The following ZNF106 variants were observed in gnomAD, a reference collection of about 807,000 sequenced individuals.
ZNF106 encodes the protein zinc finger protein 106.
A neutral mutation model predicts 195.1 loss-of-function variants in ZNF106; 67 were observed. That is an observed-to-expected ratio of 0.34 (90% CI 0.28 to 0.42). ZNF106 has a LOEUF of 0.42. Among genes scored for constraint, ZNF106 ranks in the 10% least tolerant of loss-of-function variants. The probability of loss-of-function intolerance (pLI) is 1.00; values close to 1 mark genes in which losing one functional copy is unlikely to be tolerated. For missense variants in ZNF106, 2,118 were observed against 2,304.5 expected, an observed-to-expected ratio of 0.92 and a Z score of 1.66; for synonymous variants, 784 against 818.6, an observed-to-expected ratio of 0.96 and a Z score of 0.72.
intron 7 of ZNF106, among the ~76,000 whole-genome samples, chr15:42,445,532 T>C (rs1371715398): frequency 6.6e-6 from 1 of 152,208 alleles, no homozygotes; most frequent in Non-Finnish European, 1.5e-5. Context: ...TGTTTGTCTG[T>C]TTCCTATTCA....
Position 42,444,862 on chromosome 15 carries a change from C to A in ZNF106, c.3325G>T (p.Val1109Leu). Residue 1109 changes from valine to leucine, a missense_variant, in exon 8 of 22, where the codon GTG (valine) becomes TTG (leucine). By Grantham distance (32) the Val-to-Leu change is conservative (BLOSUM62 1). Transcript: ENST00000564754. Reference sequence around the variant, plus strand: ...AGCATAAGTAGCCTCTGAACTTCCACATAAGCTGTCTGAAGGGCTGCACGG... The same window carrying A: ...AGCATAAGTAGCCTCTGAACTTCCAAATAAGCTGTCTGAAGGGCTGCACGG... ...QARAALQTAY[V>L]EVQRLLMLKQ... 6.2e-7 allele frequency: 1 copy of A among 1,614,164 alleles called. No homozygotes were observed. The highest frequency in any genetic ancestry group is 2.2e-5 in the East Asian group (1 of 44,880).
intron 3 of ZNF106, among the ~76,000 whole-genome samples, chr15:42,459,460 A>G: frequency 6.6e-6 from 1 of 152,166 alleles, no homozygotes; most frequent in Non-Finnish European, 1.5e-5. Flanking sequence ...TGGGCAACAG[A>G]GTGAGACTCC....
Position 42,451,025 on chromosome 15 carries a change from T to G in ZNF106, c.1247A>C (p.Gln416Pro). 6.2e-7 allele frequency: 1 copy of G among 1,614,222 alleles called. No homozygotes were observed. The highest frequency in any genetic ancestry group is 8.5e-7 in the Non-Finnish European group (1 of 1,180,028). ...TGGGGAATTACGTGTTTCATCAGTT[T>G]GGGGCTCCTGTATTCCTGTAGTTAT... is the stretch of plus-strand genomic sequence containing the variant. ...SLITTGIQEP[Q>P]TDETRNSPTQ... Residue 416 changes from glutamine (Q) to proline (P), a missense_variant, in exon 5 of 22, where the codon CAA becomes CCA. By Grantham distance (76) the Gln-to-Pro change is moderately conservative (BLOSUM62 -1). Coordinates refer to ENST00000564754, the MANE Select transcript of ZNF106 (RefSeq NM_001366845.3).
chr15:42,425,338 T>C, intron 15 of ZNF106: 1 of 285,462 alleles, frequency 3.5e-6, no homozygotes, highest in Non-Finnish European at 6.6e-6. Context: ...AAGTTAATAA[T>C]AATGAAGGGT....
At chr15:42,423,843 A>G (rs187343829) in intron 17 of ZNF106, among the ~76,000 whole-genome samples, 155 bp downstream of exon 17, 1 of 152,404 alleles carries the variant, frequency 6.6e-6, no homozygotes, top group African/African-American at 2.4e-5. Context: ...TTTCTAAATT[A>G]CACAATATTA....
intron 1 of ZNF106, among the ~76,000 whole-genome samples, chr15:42,488,274 ACC>A (rs938297165): frequency 5.3e-5 from 8 of 152,094 alleles, no homozygotes; most frequent in African/African-American, 1.7e-4. Context: ...CAAAATGCAC[ACC>A]CTCTTTTGCA....
chr15:42,487,734 C>T (rs907411541), intron 1 of ZNF106, among the ~76,000 whole-genome samples: 2 of 152,068 alleles, frequency 1.3e-5, no homozygotes, highest in Admixed American at 1.3e-4. Flanking sequence ...CATCCGTCTC[C>T]ATAACTACTT....
chr15:42,437,900 C>CT (rs1465302278), intron 12 of ZNF106, among the ~76,000 whole-genome samples: 2 of 131,834 alleles, frequency 1.5e-5, no homozygotes, highest in African/African-American at 6.0e-5. Flanking sequence ...ACGACTCCGT[C>CT]TCAAAAAAAA....
At chr15:42,435,311 T>C in intron 14 of ZNF106, 73 bp downstream of exon 14, 1 of 1,589,040 alleles carries the variant, frequency 6.3e-7, no homozygotes, top group South Asian at 1.1e-5. Context: ...TCTGCCACAG[T>C]GTCTCCACTC....
chr15:42,440,353 T>C (rs2055452330), intron 10 of ZNF106, among the ~76,000 whole-genome samples: 1 of 152,176 alleles, frequency 6.6e-6, no homozygotes, highest in Admixed American at 6.5e-5. Context: ...ACACAGAATA[T>C]GAAAAAAGTT....
At chr15:42,448,750 G>A in intron 5 of ZNF106, 45 bp from the exon 6 acceptor site, 2 of 1,532,328 alleles carry the variant, frequency 1.3e-6, no homozygotes, top group South Asian at 1.3e-5. Flanking sequence ...GGATATGGTT[G>A]TTGGGAGGGG....
chr15:42,452,288 C>T (rs1044749169), intron 4 of ZNF106, among the ~76,000 whole-genome samples: 1 of 151,892 alleles, frequency 6.6e-6, no homozygotes, highest in Admixed American at 6.6e-5. Context: ...TTTGGGAGGC[C>T]GAGGCGGGCA....
chr15:42,429,585 G>C (rs145935559), intron 14 of ZNF106, among the ~76,000 whole-genome samples: 12 of 152,050 alleles, frequency 7.9e-5, no homozygotes, highest in Admixed American at 2.6e-4. Context: ...CATTGGTCTC[G>C]TCTCCCAACC....
In ZNF106 at chr15:42,450,917, A is replaced by C. The variant is rs150460054; in HGVS notation, c.1355T>G (p.Val452Gly). ...SSDSAASFEV[V>G]RQCPTAEKPE... Reference sequence around the variant, plus strand: ...TTTTTCTGCAGTGGGGCACTGTCTCACCACCTCGAAGGAAGCAGCGGAATC... The same window carrying C: ...TTTTTCTGCAGTGGGGCACTGTCTCCCCACCTCGAAGGAAGCAGCGGAATC... The change falls in exon 5 of 22, where the codon GTG (valine) becomes GGG (glycine). Residue 452 changes from valine to glycine, a missense_variant. Transcript: ENST00000564754. 77 of 1,614,014 alleles carry C rather than the reference A, an allele frequency of 4.8e-5. No individual in the cohort carries two copies. In the African/African-American group the frequency reaches 9.3e-4, roughly 20 times the overall value.
chr15:42,485,039 C>T (rs1242371053), intron 1 of ZNF106, among the ~76,000 whole-genome samples: 2 of 151,934 alleles, frequency 1.3e-5, no homozygotes, highest in African/African-American at 4.8e-5. Context: ...ATCCCAGCTA[C>T]TCAGGTGGCT....
chr15:42,413,232 T>C lies in ZNF106; in HGVS notation c.*4072A>G, dbSNP rs1595852045. On this transcript the variant is annotated 3_prime_UTR_variant, in exon 22 of 22. Coordinates refer to ENST00000564754, the MANE Select transcript of ZNF106 (RefSeq NM_001366845.3). Reference sequence around the variant, plus strand: ...TCTAATACAGTAGGTCTGGTTTCTATGAGGAGCTCATATCCACTTGCATAA... The same window carrying C: ...TCTAATACAGTAGGTCTGGTTTCTACGAGGAGCTCATATCCACTTGCATAA... 6.6e-6 allele frequency: 1 copy of C among 152,202 alleles called. No individual in the cohort carries two copies. The highest frequency in any genetic ancestry group is 2.4e-5 in the African/African-American group (1 of 41,452). 9.4% of individuals were successfully genotyped at this position (152,202 alleles called of 1,614,324 possible).
chr15:42,481,357 G>GTTTTTTTTTTTTTTTTTT, intron 1 of ZNF106, among the ~76,000 whole-genome samples: 1 of 109,160 alleles, frequency 9.2e-6, no homozygotes, highest in Non-Finnish European at 1.9e-5. Flanking sequence ...TTTTTTTGTT[G>GTTTTTTTTTTTTTTTTTT]TTTTTTTTTT....
At chr15:42,437,446 T>C in intron 12 of ZNF106, 69 bp from the exon 13 acceptor site, 1 of 1,565,166 alleles carries the variant, frequency 6.4e-7, no homozygotes, top group Admixed American at 1.9e-5. Context: ...AAATCAGAAC[T>C]ATTATACAAT....
chr15:42,441,448 C>A (rs909575823), intron 10 of ZNF106, among the ~76,000 whole-genome samples: 2 of 152,096 alleles, frequency 1.3e-5, no homozygotes, highest in Non-Finnish European at 1.5e-5. Context: ...TGCTTTTGCT[C>A]AGGAAACCAC....
Sources: allele counts gnomAD v4.1 joint callset (sites outside exome capture counted in the v4.1 genomes callset), GRCh38; gene constraint gnomAD v4.1.1; transcripts MANE v1.5; gene names NCBI Gene and HGNC (gene_info 2026-07-23, HGNC 2026-07-21).